LMTK2: variants seen among roughly 807,000 people sequenced by gnomAD.
LMTK2 encodes serine/threonine-protein kinase LMTK2.
LMTK2 carries 37 observed loss-of-function variants against 127.5 expected under a neutral mutation model. That is an observed-to-expected ratio of 0.29 (90% CI 0.22 to 0.38). LMTK2 has a LOEUF of 0.38. LMTK2 is among the 10% of genes least tolerant of loss of function. The pLI is 1.00. For synonymous variants in LMTK2, 819 were observed against 810.1 expected, an observed-to-expected ratio of 1.01 and a Z score of -0.19; for missense variants, 1,694 against 1,920.3, an observed-to-expected ratio of 0.88 and a Z score of 2.20.
intron 6 of LMTK2, among the ~76,000 whole-genome samples, chr7:98,165,196 C>T (rs1293887697): frequency 4.6e-5 from 7 of 152,316 alleles, no homozygotes; most frequent in African/African-American, 7.2e-5. Flanking sequence ...CTGCCCACAA[C>T]GGGGAGTACG....
rs77888622 is a variant in LMTK2 at position 98,184,137 on chromosome 7, T to C, written c.792-914T>C. The stretch of plus-strand genomic sequence containing the variant: ...CCAAGTGCCCTGTTCAACCCTTGAC[T>C]TGGGGTTTTGTACATTGTTATGGTT... On this transcript the variant is annotated intron_variant, in intron 7 of 13. Coordinates refer to ENST00000297293, the MANE Select transcript of LMTK2 (RefSeq NM_014916.4). Among the ~76,000 whole-genome samples the C allele has an allele frequency of 1.7e-3, 261 of 152,254 alleles. 9 individuals carry two copies. The East Asian group carries it at 0.048, about 28-fold the overall frequency.
At chr7:98,144,135 AAT>A (rs1168346124) in intron 3 of LMTK2, among the ~76,000 whole-genome samples, 2 of 152,166 alleles carry the variant, frequency 1.3e-5, no homozygotes. Flanking sequence ...CATTACAAAA[AAT>A]ATATATGTTT....
intron 13 of LMTK2, 146 bp downstream of exon 13, chr7:98,204,332 C>T: frequency 9.3e-7 from 1 of 1,078,586 alleles, no homozygotes; most frequent in East Asian, 2.5e-5. Context: ...TATAAAACTC[C>T]CATCATCAGC....
intron 7 of LMTK2, among the ~76,000 whole-genome samples, chr7:98,183,237 G>C (rs1797380398): frequency 6.6e-6 from 1 of 152,056 alleles, no homozygotes; most frequent in Non-Finnish European, 1.5e-5. Flanking sequence ...AGAATTATTT[G>C]AGTCTTTCAT....
chr7:98,170,642 G>T (rs368372684), intron 6 of LMTK2, among the ~76,000 whole-genome samples: 4 of 151,212 alleles, frequency 2.6e-5, no homozygotes, highest in African/African-American at 9.7e-5. Context: ...TTTATTAACT[G>T]ATTCGAGGAA....
intron 1 of LMTK2, among the ~76,000 whole-genome samples, chr7:98,114,240 GTTTT>G (rs554396308): frequency 7.6e-6 from 1 of 130,974 alleles, no homozygotes; most frequent in Non-Finnish European, 1.6e-5. Context: ...TTTTTTTAAA[GTTTT>G]TTTTTTTTTT....
rs1797559317 is a variant in LMTK2 at position 98,193,081 on chromosome 7, T to C, written c.2616T>C (p.Thr872=). The C allele has an allele frequency of 6.2e-7, 1 of 1,613,806 alleles. No individual in the cohort carries two copies. Among genetic ancestry groups the C allele is most frequent in the Non-Finnish European group, 8.5e-7 (1 of 1,180,016 alleles). Residue 872 remains threonine (T), a synonymous_variant, in exon 11 of 14, where the codon ACT becomes ACC. Transcript: ENST00000297293. This position sits in a 1 kb window ranked among gnomAD's most constrained non-coding sequence, Gnocchi z 4.1. ...CTGTCCCGGTTGAAATTCTCTCAAC[T>C]GATGCCAGAACCCACAGCCTGGATA... ...AVTVPVEILS[T]DARTHSLDNR... is the part of the protein sequence containing the mutation.
chr7:98,168,554 A>G (rs1395472702), intron 6 of LMTK2, among the ~76,000 whole-genome samples: 3 of 152,270 alleles, frequency 2.0e-5, no homozygotes, highest in Non-Finnish European at 4.4e-5. Context: ...TTAAACATAT[A>G]AATGACTTTA....
At chr7:98,108,123 C>A (rs1796145210) in intron 1 of LMTK2, among the ~76,000 whole-genome samples, 1 of 152,138 alleles carries the variant, frequency 6.6e-6, no homozygotes, top group South Asian at 2.1e-4. Flanking sequence ...TTCATACATT[C>A]ATAGAATGTT....
intron 4 of LMTK2, among the ~76,000 whole-genome samples, chr7:98,153,222 G>C (rs749254856): frequency 1.3e-5 from 2 of 152,146 alleles, no homozygotes; most frequent in Non-Finnish European, 2.9e-5. Context: ...TTTATAGAGT[G>C]TATTCAAAGC....
At position 98,194,366 on chromosome 7, in the gene LMTK2, T is replaced by C; in HGVS notation, c.3901T>C (p.Phe1301Leu). 6.2e-7 allele frequency: 1 copy of C among 1,614,156 alleles called. No homozygotes were observed. Among genetic ancestry groups the C allele is most frequent in the Non-Finnish European group, 8.5e-7 (1 of 1,180,026 alleles). ...CGACTCGGACGAGGACCTGCGGGCC[T>C]TCAACCTGCATAGCCTCAGCTCCGA... ...SDDSDEDLRAFNLHSLSSESE... is the reference protein window; with the variant it reads ...SDDSDEDLRALNLHSLSSESE... The change falls in exon 11 of 14, where the codon TTC (phenylalanine) becomes CTC (leucine). Residue 1301 changes from phenylalanine to leucine, a missense_variant. Coordinates refer to ENST00000297293, the MANE Select transcript of LMTK2 (RefSeq NM_014916.4). This position sits in a 1 kb window ranked among gnomAD's most constrained non-coding sequence, Gnocchi z 5.4.
At chr7:98,149,452 G>A (rs981900457) in intron 3 of LMTK2, among the ~76,000 whole-genome samples, 3 of 152,192 alleles carry the variant, frequency 2.0e-5, no homozygotes, top group South Asian at 2.1e-4. Flanking sequence ...TGGAAGGGAC[G>A]GCTGCCAGAG....
chr7:98,138,016 A>G (rs970663012), intron 2 of LMTK2, among the ~76,000 whole-genome samples: 1 of 152,232 alleles, frequency 6.6e-6, no homozygotes, highest in African/African-American at 2.4e-5. Context: ...TGCAGATTGT[A>G]AAGTCCTGGC....
At chr7:98,178,920 G>C (rs1316359666) in intron 7 of LMTK2, among the ~76,000 whole-genome samples, 1 of 152,214 alleles carries the variant, frequency 6.6e-6, no homozygotes, top group Non-Finnish European at 1.5e-5. Flanking sequence ...AGCATCACAT[G>C]GTCTTGCAGC....
intron 1 of LMTK2, among the ~76,000 whole-genome samples, chr7:98,123,720 C>CAG (rs1186697636): frequency 8.3e-5 from 11 of 133,056 alleles, no homozygotes; most frequent in South Asian, 2.4e-4. Flanking sequence ...CACACACACA[C>CAG]ACACACAGAC....
intron 11 of LMTK2, among the ~76,000 whole-genome samples, chr7:98,202,383 T>A (rs1243314964): frequency 6.6e-6 from 1 of 152,226 alleles, no homozygotes; most frequent in African/African-American, 2.4e-5. Flanking sequence ...TAGTCCTTTT[T>A]CAGATAATTC....
At chr7:98,160,453 T>G (rs1427732254) in intron 6 of LMTK2, among the ~76,000 whole-genome samples, 1 of 152,228 alleles carries the variant, frequency 6.6e-6, no homozygotes, top group Non-Finnish European at 1.5e-5. Context: ...ACAAAGTAGT[T>G]CTCACTCATC....
intron 1 of LMTK2, among the ~76,000 whole-genome samples, chr7:98,112,752 G>A (rs548633070): frequency 2.8e-4 from 42 of 152,262 alleles, no homozygotes; most frequent in African/African-American, 7.9e-4. Flanking sequence ...AGTGAGAAGA[G>A]GGCTTTGAAA....
In LMTK2 at chr7:98,204,191, G is replaced by A; in HGVS notation, c.4483+5G>A. On this transcript the variant is annotated splice_donor_5th_base_variant and intron_variant, in intron 13 of 13. Coordinates refer to ENST00000297293, the MANE Select transcript of LMTK2 (RefSeq NM_014916.4). Reference sequence around the variant, plus strand: ...ACTCGGACATCGAGCAGGGCGGTGAGAGGCGCTGCGTGCTGGGGATTGGGA... The same window carrying A: ...ACTCGGACATCGAGCAGGGCGGTGAAAGGCGCTGCGTGCTGGGGATTGGGA... The A allele has an allele frequency of 6.2e-7, 1 of 1,603,858 alleles. No individual in the cohort carries two copies. Among genetic ancestry groups the A allele is most frequent in the Non-Finnish European group, 8.5e-7 (1 of 1,179,654 alleles).
Sources: gnomAD v4.1 joint callset for allele counts (sites outside exome capture counted in the v4.1 genomes callset) on GRCh38, gnomAD v4.1.1 for gene constraint, Gnocchi (gnomAD v3.1) non-coding constraint, MANE v1.5 for transcripts, NCBI Gene and HGNC (gene_info 2026-07-23, HGNC 2026-07-21) for gene names.